CMC1: variants seen among roughly 807,000 people sequenced by gnomAD.
CMC1 encodes C-X9-C motif containing 1, also known as COX assembly mitochondrial protein homolog.
In CMC1, 14 loss-of-function variants were observed where a neutral mutation model predicts 14.1. That is an observed-to-expected ratio of 0.99 (90% CI 0.66 to 1.55). CMC1 has a LOEUF of 1.55. CMC1 is among the 40% of genes most tolerant of loss of function. The probability of loss-of-function intolerance (pLI) is 0.00; values close to 1 mark genes in which losing one functional copy is unlikely to be tolerated. For synonymous variants in CMC1, 50 were observed against 38.4 expected (o/e 1.30, Z -1.12); for missense variants, 127 against 123.8 (o/e 1.03, Z -0.12).
In CMC1 at chr3:28,324,038, C is replaced by G; in HGVS notation, c.*4409C>G. The stretch of plus-strand genomic sequence containing the variant: ...TCATGGTGAAATCGTGAATCTCTTC[C>G]AAATTAATTCTTATAAAGGCAGTTC... On this transcript the variant is annotated 3_prime_UTR_variant, in exon 4 of 4. Transcript: ENST00000466830. The G allele has an allele frequency of 6.3e-7, 1 of 1,596,410 alleles. No homozygotes were observed. The highest frequency in any genetic ancestry group is 8.6e-7 in the Non-Finnish European group (1 of 1,168,046).
At chr3:28,302,302 G>A (rs1702093806) in intron 2 of CMC1, among the ~76,000 whole-genome samples, 1 of 152,176 alleles carries the variant, frequency 6.6e-6, no homozygotes, top group Non-Finnish European at 1.5e-5. Flanking sequence ...AATCCTAGAA[G>A]GCTCCATGTT....
intron 2 of CMC1, among the ~76,000 whole-genome samples, chr3:28,309,062 A>G (rs1224110661): frequency 6.6e-6 from 1 of 151,938 alleles, no homozygotes; most frequent in African/African-American, 2.4e-5. Flanking sequence ...ACTGAGGGTC[A>G]AATGCTTGGT....
At chr3:28,254,869 G>A (rs765037708) in intron 1 of CMC1, among the ~76,000 whole-genome samples, 3 of 152,174 alleles carry the variant, frequency 2.0e-5, no homozygotes, top group Non-Finnish European at 4.4e-5. Context: ...ACACTGAATA[G>A]TTACTGATGT....
chr3:28,317,624 T>C (rs1421263393), intron 3 of CMC1: 1 of 151,966 alleles, frequency 6.6e-6, no homozygotes, highest in Non-Finnish European at 1.5e-5. Flanking sequence ...TTCACTCCAG[T>C]TGGGGGAGCT....
chr3:28,288,232 G>A (rs746312136), intron 2 of CMC1, among the ~76,000 whole-genome samples: 2 of 151,806 alleles, frequency 1.3e-5, no homozygotes, highest in African/African-American at 2.4e-5. Context: ...AAGATATTTT[G>A]GAAATAACTA....
chr3:28,261,374 C>T lies in CMC1; in HGVS notation c.20-1917C>T, dbSNP rs139553753. Among the ~76,000 whole-genome samples the T allele has an allele frequency of 2.9e-4, 44 of 152,176 alleles. 1 individual carries two copies. The East Asian group carries it at 8.3e-3, about 29-fold the overall frequency. On this transcript the variant is annotated intron_variant, in intron 1 of 3. Transcript: ENST00000466830. The stretch of plus-strand genomic sequence containing the variant: ...TGAAATCAGTATAGTGTAGCATGAA[C>T]GAATGGTGTTGCATGGCTCCAGGTA...
intron 1 of CMC1, among the ~76,000 whole-genome samples, chr3:28,253,498 T>G (rs1388583491): frequency 6.6e-6 from 1 of 152,124 alleles, no homozygotes; most frequent in African/African-American, 2.4e-5. Flanking sequence ...GGAGGATCAC[T>G]TAAACCTGGG....
At chr3:28,306,290 T>G (rs1702300104) in intron 2 of CMC1, among the ~76,000 whole-genome samples, 1 of 152,214 alleles carries the variant, frequency 6.6e-6, no homozygotes, top group African/African-American at 2.4e-5. Flanking sequence ...ATGGGCATTT[T>G]AATGACATTG....
intron 2 of CMC1, among the ~76,000 whole-genome samples, chr3:28,311,011 C>T (rs1290294718): frequency 6.6e-6 from 1 of 152,226 alleles, no homozygotes; most frequent in East Asian, 1.9e-4. Context: ...TCCTGCTGTC[C>T]CGCCCGGTTC....
At chr3:28,302,230 C>T (rs1702091001) in intron 2 of CMC1, among the ~76,000 whole-genome samples, 1 of 152,158 alleles carries the variant, frequency 6.6e-6, no homozygotes, top group South Asian at 2.1e-4. Context: ...AACACGGATC[C>T]TACTTTCGTT....
chr3:28,272,464 A>G (rs182638583), intron 2 of CMC1, among the ~76,000 whole-genome samples: 1 of 152,102 alleles, frequency 6.6e-6, no homozygotes. Flanking sequence ...CCTTTTTTGC[A>G]TCTGTTGAGA....
At position 28,322,025 on chromosome 3, in the gene CMC1, G is replaced by C. The variant is rs1703202606; in HGVS notation, c.*2396G>C. 2 of 151,150 alleles carry C rather than the reference G, an allele frequency of 1.3e-5. No homozygotes were observed. The highest frequency in any genetic ancestry group is 4.1e-4 in the South Asian group (2 of 4,826). The allele number at this position is 151,150 out of a possible 1,614,324, so 9.4% of individuals were successfully genotyped here. On this transcript the variant is annotated 3_prime_UTR_variant, in exon 4 of 4. Transcript: ENST00000466830. Reference sequence around the variant, plus strand: ...TAAATAGATTCATAAGCTACAGATGGGCCACTGTTTTTTGGTTGTTTGAAT... The same window carrying C: ...TAAATAGATTCATAAGCTACAGATGCGCCACTGTTTTTTGGTTGTTTGAAT...
chr3:28,275,328 GTTTT>G (rs1351052957), intron 2 of CMC1, among the ~76,000 whole-genome samples: 1 of 72,220 alleles, frequency 1.4e-5, no homozygotes, highest in African/African-American at 4.1e-5. Flanking sequence ...TTAGTTGTTT[GTTTT>G]TTTTTTTTCT....
chr3:28,244,539 G>A (rs544472642), intron 1 of CMC1, among the ~76,000 whole-genome samples: 1 of 152,164 alleles, frequency 6.6e-6, no homozygotes, highest in African/African-American at 2.4e-5. Context: ...ACCACCCTGG[G>A]CAACATGGTG....
chr3:28,247,379 G>A (rs56946005), intron 1 of CMC1, among the ~76,000 whole-genome samples: 30,125 of 152,008 alleles, frequency 0.2, 3,308 homozygotes, highest in Middle Eastern at 0.28. Context: ...AAAAATCTGA[G>A]CAAGGATGTG....
At chr3:28,275,677 C>T (rs376919056) in intron 2 of CMC1, among the ~76,000 whole-genome samples, 15 of 152,214 alleles carry the variant, frequency 9.9e-5, no homozygotes, top group African/African-American at 2.9e-4. Context: ...GAATCCTACT[C>T]GTCTGGACTG....
intron 1 of CMC1, among the ~76,000 whole-genome samples, chr3:28,252,586 T>A (rs1355707478): frequency 8.5e-5 from 13 of 152,218 alleles, no homozygotes; most frequent in Admixed American, 7.9e-4. Flanking sequence ...AACTGAATTT[T>A]CAAATTTTGC....
In CMC1 at chr3:28,241,646, C is replaced by T; in HGVS notation, c.-148C>T. 4.1e-6 allele frequency: 5 copies of T among 1,232,660 alleles called. No homozygotes were observed. Among genetic ancestry groups the T allele is most frequent in the Non-Finnish European group, 5.1e-6 (5 of 987,766 alleles). 76.4% of individuals were successfully genotyped at this position (1,232,660 alleles called of 1,614,324 possible). A position where few individuals can be genotyped will look rare whatever the true frequency, so the allele number is the denominator to read the frequency against. ...CCTGGGAAGGAAGAGGGAACGGGTCCTGGCGGTGCTTTGCAAAGGGCCCGT... is the reference window on the plus strand; with the variant it reads ...CCTGGGAAGGAAGAGGGAACGGGTCTTGGCGGTGCTTTGCAAAGGGCCCGT... On this transcript the variant is annotated 5_prime_UTR_variant, in exon 1 of 4. Coordinates refer to ENST00000466830, the MANE Select transcript of CMC1 (RefSeq NM_182523.2).
intron 2 of CMC1, among the ~76,000 whole-genome samples, chr3:28,285,860 G>A (rs1194228282): frequency 2.0e-5 from 3 of 151,164 alleles, no homozygotes; most frequent in Non-Finnish European, 4.4e-5. Context: ...TCTGCCTCCT[G>A]GGTTCACGCC....
Sources: allele counts gnomAD v4.1 joint callset (sites outside exome capture counted in the v4.1 genomes callset), GRCh38; gene constraint gnomAD v4.1.1; transcripts MANE v1.5; gene names NCBI Gene and HGNC (gene_info 2026-07-23, HGNC 2026-07-21).